CDH19: variants seen among roughly 807,000 people sequenced by gnomAD.
CDH19 encodes the protein cadherin 19.
Under a neutral mutation model 64.2 loss-of-function variants are expected in CDH19, and 67 were observed. The ratio of observed to expected loss-of-function variants is 1.04; its 90% confidence interval spans 0.86 to 1.28. The LOEUF is 1.28. Ranked by LOEUF, CDH19 falls within the 50% of genes most tolerant of loss-of-function variation. CDH19 has a pLI of 0.00. For synonymous variants in CDH19, 346 were observed against 319.3 expected, an observed-to-expected ratio of 1.08 and a Z score of -0.89; for missense variants, 1,030 against 929.0, an observed-to-expected ratio of 1.11 and a Z score of -1.41.
At chr18:66,513,111 T>C (rs1056792670) in intron 9 of CDH19, among the ~76,000 whole-genome samples, 4 of 151,466 alleles carry the variant, frequency 2.6e-5, no homozygotes, top group Admixed American at 2.0e-4. Context: ...AAGTATAGAA[T>C]TCATGTTTAT....
At chr18:66,544,383 A>G (rs1987020994) in intron 6 of CDH19, among the ~76,000 whole-genome samples, 159 bp from the exon 7 acceptor site, 1 of 152,182 alleles carries the variant, frequency 6.6e-6, no homozygotes, top group Admixed American at 6.5e-5. Context: ...TTAATCAGGC[A>G]TAACAAATCT....
At chr18:66,535,196 TTCAA>T in intron 7 of CDH19, 89 bp from the exon 8 acceptor site, 8 of 693,368 alleles carry the variant, frequency 1.2e-5, no homozygotes, top group South Asian at 4.9e-5. Context: ...AGACATCTTA[TTCAA>T]TGCATGCTCT....
At chr18:66,566,562 A>G (rs1199442504) in intron 3 of CDH19, among the ~76,000 whole-genome samples, 2 of 151,826 alleles carry the variant, frequency 1.3e-5, no homozygotes, top group African/African-American at 4.8e-5. Context: ...TTTATGCCAT[A>G]CAATAGTCTT....
At chr18:66,592,924 G>A (rs1988784288) in intron 1 of CDH19, among the ~76,000 whole-genome samples, 1 of 151,712 alleles carries the variant, frequency 6.6e-6, no homozygotes, top group African/African-American at 2.4e-5. Flanking sequence ...TAGTGAGATT[G>A]CTGAATCATA....
Position 66,544,002 on chromosome 18 carries a change from T to C in CDH19, c.1183A>G (p.Thr395Ala), listed in dbSNP as rs1418140759. Residue 395 changes from threonine to alanine, a missense_variant, in exon 7 of 12, where the codon ACA becomes GCA. Physicochemically the swap from Thr to Ala is moderately conservative, Grantham distance 58. Transcript: ENST00000262150. The part of the protein sequence containing the change: ...QGSFVGVVSA[T>A]DPDNRKSPIR... ...GGAGATTTCCTATTGTCTGGGTCTG[T>C]GGCAGACACCACGCCTACAAATGAT... 6.8e-6 allele frequency: 11 copies of C among 1,613,460 alleles called. 1 individual carries two copies. The highest frequency in any genetic ancestry group is 9.3e-6 in the Non-Finnish European group (11 of 1,179,502).
intron 7 of CDH19, among the ~76,000 whole-genome samples, chr18:66,541,130 G>C (rs1192686122): frequency 6.6e-6 from 1 of 152,090 alleles, no homozygotes; most frequent in Non-Finnish European, 1.5e-5. Context: ...ACTAAAGCAA[G>C]AGTATTTCGT....
chr18:66,530,338 T>C (rs541786590), intron 8 of CDH19, among the ~76,000 whole-genome samples: 3 of 152,082 alleles, frequency 2.0e-5, no homozygotes, highest in Non-Finnish European at 4.4e-5. Context: ...TATGGATTAT[T>C]ATCCCCCCAA....
At chr18:66,533,213 TAC>T (rs35376051) in intron 8 of CDH19, among the ~76,000 whole-genome samples, 55,425 of 148,788 alleles carry the variant, frequency 0.37, 10,370 homozygotes, top group South Asian at 0.48. Flanking sequence ...TAGGATTTAT[TAC>T]ACACACACAC....
chr18:66,561,315 C>T (rs969039543), intron 3 of CDH19, among the ~76,000 whole-genome samples: 5 of 152,162 alleles, frequency 3.3e-5, no homozygotes, highest in Admixed American at 2.6e-4. Flanking sequence ...TAAAGCAGAA[C>T]TGTCCTGGGT....
chr18:66,545,285 T>TA (rs2144492687), intron 5 of CDH19, among the ~76,000 whole-genome samples: 1 of 152,152 alleles, frequency 6.6e-6, no homozygotes, highest in Non-Finnish European at 1.5e-5. Flanking sequence ...GTCGCAATTG[T>TA]AGCATTCTTT....
At chr18:66,585,974 A>G (rs767342166) in intron 1 of CDH19, among the ~76,000 whole-genome samples, 171 of 152,230 alleles carry the variant, frequency 1.1e-3, no homozygotes, top group Middle Eastern at 0.01. Context: ...GATGAAAAAT[A>G]TTATAATCTA....
intron 10 of CDH19, among the ~76,000 whole-genome samples, chr18:66,510,845 G>A (rs1326932483): frequency 6.6e-6 from 1 of 151,546 alleles, no homozygotes; most frequent in Non-Finnish European, 1.5e-5. Context: ...CTTAACCTCA[G>A]CTGTAAGGAG....
intron 3 of CDH19, among the ~76,000 whole-genome samples, chr18:66,555,791 A>T (rs1385126478): frequency 6.6e-6 from 1 of 151,712 alleles, no homozygotes; most frequent in Non-Finnish European, 1.5e-5. Context: ...ATTGCGCAAG[A>T]CTTGTTCCTT....
At chr18:66,545,323 C>T (rs7232154) in intron 5 of CDH19, among the ~76,000 whole-genome samples, 24,164 of 151,946 alleles carry the variant, frequency 0.16, 2,082 homozygotes, top group South Asian at 0.25. Flanking sequence ...AATCCCGTAT[C>T]TACCTTTCCC....
chr18:66,550,361 C>A (rs1172821708), intron 5 of CDH19, among the ~76,000 whole-genome samples: 2 of 152,042 alleles, frequency 1.3e-5, no homozygotes, highest in Non-Finnish European at 2.9e-5. Flanking sequence ...TACAAAAAGT[C>A]ATTTTTAAAT....
Position 66,544,194 on chromosome 18 carries a change from C to T in CDH19, c.991G>A (p.Gly331Ser), listed in dbSNP as rs1033192268. ...TGGTTTTTAACTTTTGCTCTAATAC[C>T]GTAGTGGTTCTGGTGCTCAAAATCC... The part of the protein sequence containing the change: ...KVDFEHQNHY[G>S]IRAKVKNHHV... Residue 331 changes from glycine to serine, a missense_variant, in exon 7 of 12, where the codon GGT (glycine) becomes AGT (serine). Gly to Ser is a moderately conservative substitution (Grantham distance 56, BLOSUM62 0). Transcript: ENST00000262150. 14 of 1,613,480 alleles carry T rather than the reference C, an allele frequency of 8.7e-6. No individual in the cohort carries two copies. The highest frequency in any genetic ancestry group is 1.0e-5 in the Non-Finnish European group (12 of 1,179,664).
chr18:66,529,773 TA>T, intron 9 of CDH19, 71 bp downstream of exon 9: 1 of 750,820 alleles, frequency 1.3e-6, no homozygotes, highest in Non-Finnish European at 2.0e-6. Context: ...TATTGTATAA[TA>T]TATGAAGAAA....
chr18:66,535,036 T>C lies in CDH19; in HGVS notation c.1286A>G (p.Asp429Gly). 2 of 1,522,566 alleles carry C rather than the reference T, an allele frequency of 1.3e-6. No individual in the cohort carries two copies. The allele number at this position is 1,522,566 out of a possible 1,614,324, so 94.3% of individuals were successfully genotyped here. The change falls in exon 8 of 12, where the codon GAT (aspartate) becomes GGT (glycine). Residue 429 changes from aspartate to glycine, a missense_variant. By Grantham distance (94) the Asp-to-Gly change is moderately conservative. Transcript: ENST00000262150. ...GTTGTACCAAGCACTGATTTCACGA[T>C]CCAGTGAGTTACTTGTAGTGATTGT... ...NGTITTSNSL[D>G]REISAWYNLS...
intron 9 of CDH19, among the ~76,000 whole-genome samples, chr18:66,519,783 T>G (rs562652290): frequency 6.6e-6 from 1 of 152,274 alleles, no homozygotes; most frequent in South Asian, 2.1e-4. Context: ...GAACAACACT[T>G]ATTTTGCTAT....
Sources: gnomAD v4.1 joint callset for allele counts (sites outside exome capture counted in the v4.1 genomes callset) on GRCh38, gnomAD v4.1.1 for gene constraint, MANE v1.5 for transcripts, NCBI Gene and HGNC (gene_info 2026-07-23, HGNC 2026-07-21) for gene names.